The following CDC25C variants were observed in gnomAD, a reference collection of about 807,000 sequenced individuals.
The protein encoded by CDC25C is M-phase inducer phosphatase 3.
CDC25C carries 48 observed loss-of-function variants against 52.5 expected under a neutral mutation model. The ratio of observed to expected loss-of-function variants is 0.91; its 90% CI spans 0.72 to 1.16. The LOEUF (loss-of-function observed/expected upper bound fraction) is 1.16, where lower values mean the gene tolerates loss of function less well. Ranked by LOEUF, CDC25C falls within the 50% of genes most tolerant of loss-of-function variation. CDC25C has a pLI of 0.00. For synonymous variants in CDC25C, 187 were observed against 206.5 expected (o/e 0.91, Z 0.81); for missense variants, 510 against 566.1 (o/e 0.90, Z 1.01).
intron 7 of CDC25C, among the ~76,000 whole-genome samples, chr5:138,303,156 T>A (rs1241315896): frequency 1.3e-5 from 2 of 152,200 alleles, no homozygotes; most frequent in Non-Finnish European, 1.5e-5. Context: ...CTCAACCTGA[T>A]GATGGGCTTC....
At chr5:138,315,895 T>C (rs1758831926) in intron 7 of CDC25C, among the ~76,000 whole-genome samples, 1 of 152,222 alleles carries the variant, frequency 6.6e-6, no homozygotes, top group South Asian at 2.1e-4. Context: ...GGCTGCATGA[T>C]CCATGGAGCT....
rs564256580 is a variant in CDC25C, at chr5:138,329,594, G to C, written c.248C>G (p.Thr83Ser). The change falls in exon 3 of 14, where the codon ACT (threonine) becomes AGT (serine). Residue 83 changes from threonine to serine, a missense_variant. Coordinates refer to ENST00000323760, the MANE Select transcript of CDC25C (RefSeq NM_001790.5). ...TGCAGAAGTGGTAAGCTGAGTGGCAGTTATCTCCCCACTGCTAAGATTCGA... is the reference window on the plus strand; with the variant it reads ...TGCAGAAGTGGTAAGCTGAGTGGCACTTATCTCCCCACTGCTAAGATTCGA... Reference protein sequence around the residue: ...DLSNLSSGEITATQLTTSADL... With the variant: ...DLSNLSSGEISATQLTTSADL... The C allele has an allele frequency of 6.2e-7, 1 of 1,613,606 alleles. No individual in the cohort carries two copies. The highest frequency in any genetic ancestry group is 8.5e-7 in the Non-Finnish European group (1 of 1,179,664).
chr5:138,336,304 T>C (rs953042353), upstream of CDC25C, among the ~76,000 whole-genome samples: 6 of 152,154 alleles, frequency 3.9e-5, no homozygotes, highest in Admixed American at 2.6e-4. Flanking sequence ...AGCTAATTTT[T>C]GTATTTTTTA....
intron 7 of CDC25C, among the ~76,000 whole-genome samples, 157 bp from the exon 8 acceptor site, chr5:138,292,273 T>A (rs560587670): frequency 1.3e-5 from 2 of 152,178 alleles, no homozygotes; most frequent in Non-Finnish European, 2.9e-5. Flanking sequence ...TTTAACAAGA[T>A]GCCCAGGTGA....
chr5:138,313,269 C>T (rs954410039), intron 7 of CDC25C, among the ~76,000 whole-genome samples: 3 of 151,344 alleles, frequency 2.0e-5, no homozygotes, highest in East Asian at 2.0e-4. Context: ...ATCCCAGCTA[C>T]GCGGGAGGCT....
chr5:138,294,199 T>C (rs1476616596), intron 7 of CDC25C, among the ~76,000 whole-genome samples: 1 of 151,178 alleles, frequency 6.6e-6, no homozygotes, highest in Non-Finnish European at 1.5e-5. Context: ...GCTAATTTTT[T>C]TTTTTTTTTT....
At chr5:138,306,648 G>A (rs527497799) in intron 7 of CDC25C, among the ~76,000 whole-genome samples, 1 of 152,022 alleles carries the variant, frequency 6.6e-6, no homozygotes, top group Non-Finnish European at 1.5e-5. Context: ...GCTAATTTGT[G>A]TATTTTTAGT....
upstream of CDC25C, chr5:138,335,482 G>A (rs1760635038): frequency 6.6e-6 from 1 of 152,202 alleles, no homozygotes. Context: ...AATATGGATG[G>A]AGAGTATCCT....
intron 1 of CDC25C, chr5:138,337,939 G>A: frequency 7.8e-7 from 1 of 1,288,016 alleles, no homozygotes; most frequent in Non-Finnish European, 1.0e-6. Context: ...GAGGGCAGGG[G>A]CGATGCCTTT....
chr5:138,286,688 C>T (rs1282969988), intron 11 of CDC25C, 58 bp from the exon 12 acceptor site: 2 of 1,511,724 alleles, frequency 1.3e-6, no homozygotes, highest in East Asian at 2.3e-5. Flanking sequence ...AGTGCCAATA[C>T]TTAGAAATGA....
upstream of CDC25C, among the ~76,000 whole-genome samples, chr5:138,335,759 A>G (rs1580840260): frequency 6.9e-6 from 1 of 144,284 alleles, no homozygotes. Flanking sequence ...CTGAAACTTG[A>G]CTTGCAGGGT....
intron 10 of CDC25C, 79 bp downstream of exon 10, chr5:138,289,422 T>C (rs1259641196): frequency 1.0e-6 from 1 of 1,003,240 alleles, no homozygotes. Context: ...GAAATACAAA[T>C]GGAAATGGGC....
In CDC25C at chr5:138,319,248, C is replaced by G. The variant is rs770648401; in HGVS notation, c.586G>C (p.Glu196Gln). Residue 196 changes from glutamate (E) to glutamine (Q), a missense_variant, in exon 7 of 14, where the codon GAG becomes CAG. Physicochemically the swap from Glu to Gln is conservative, Grantham distance 29 (BLOSUM62 2). Coordinates refer to ENST00000323760, the MANE Select transcript of CDC25C (RefSeq NM_001790.5). ...GCTTCTTGATCTTTCAGGGAAAACT[C>G]CATTAATTCATCTGAAATCTCTTCT... is the stretch of plus-strand genomic sequence containing the variant. ...QAEEISDELM[E>Q]FSLKDQEAKV... The G allele has an allele frequency of 1.9e-6, 3 of 1,613,344 alleles. No homozygotes were observed. In the South Asian group the frequency reaches 3.3e-5, roughly 18 times the overall value.
chr5:138,317,042 G>A (rs554055745), intron 7 of CDC25C, among the ~76,000 whole-genome samples: 3 of 152,230 alleles, frequency 2.0e-5, no homozygotes, highest in Non-Finnish European at 2.9e-5. Context: ...TTGCTGGAGC[G>A]CAGGAGTTCC....
At chr5:138,332,683 T>C (rs999527048), upstream of CDC25C, among the ~76,000 whole-genome samples, 11 of 151,842 alleles carry the variant, frequency 7.2e-5, no homozygotes, top group East Asian at 2.1e-3. Context: ...CTGGCCAACA[T>C]GATGAAACCC....
intron 7 of CDC25C, among the ~76,000 whole-genome samples, chr5:138,304,727 C>T (rs181560952): frequency 6.6e-6 from 1 of 152,168 alleles, no homozygotes; most frequent in East Asian, 1.9e-4. Flanking sequence ...AGACTGGTCT[C>T]AAACTACTGA....
chr5:138,337,917 G>C (rs1002282383), intron 1 of CDC25C: 1 of 1,273,870 alleles, frequency 7.9e-7, no homozygotes, highest in Admixed American at 2.4e-5. Context: ...CAGTTGGGCC[G>C]TTGGAGGGAG....
intron 1 of CDC25C, chr5:138,337,730 G>C: frequency 3.0e-6 from 1 of 338,522 alleles, no homozygotes; most frequent in South Asian, 2.3e-5. Context: ...GGGACTCCGA[G>C]CAGGCCCTAA....
At chr5:138,321,849 G>C (rs1759435041) in intron 6 of CDC25C, among the ~76,000 whole-genome samples, 1 of 144,848 alleles carries the variant, frequency 6.9e-6, no homozygotes, top group African/African-American at 2.6e-5. Flanking sequence ...GTTGAGATTA[G>C]AAATAATAAT....
Sources: gnomAD v4.1 joint callset for allele counts (sites outside exome capture counted in the v4.1 genomes callset) on GRCh38, gnomAD v4.1.1 for gene constraint, MANE v1.5 for transcripts, NCBI Gene and HGNC (gene_info 2026-07-23, HGNC 2026-07-21) for gene names.